Variants in KCNH7 observed in about 807,000 individuals in gnomAD.
KCNH7 encodes voltage-gated inwardly rectifying potassium channel KCNH7.
KCNH7 carries 49 observed loss-of-function variants against 120.8 expected under a neutral mutation model. The ratio of observed to expected loss-of-function variants is 0.41; its 90% CI spans 0.32 to 0.51. The LOEUF (loss-of-function observed/expected upper bound fraction) is 0.51. KCNH7 is among the 20% of genes least tolerant of loss of function. The pLI is 0.38. For missense variants in KCNH7, 1,097 were observed against 1,446.6 expected (o/e 0.76, Z 3.92); for synonymous variants, 547 against 516.1 (o/e 1.06, Z -0.81).
chr2:162,537,221 A>G, intron 2 of KCNH7, 141 bp from the exon 3 acceptor site: 1 of 652,744 alleles, frequency 1.5e-6, no homozygotes, highest in East Asian at 2.8e-5. Flanking sequence ...GATCTTTTTT[A>G]CTTCATATTT....
chr2:162,734,951 G>A (rs1687848143), intron 2 of KCNH7, among the ~76,000 whole-genome samples: 1 of 152,116 alleles, frequency 6.6e-6, no homozygotes, highest in Admixed American at 6.6e-5. Flanking sequence ...TTTGAATCCT[G>A]TTTCTTATTC....
chr2:162,456,927 C>T (rs976511329), intron 6 of KCNH7, among the ~76,000 whole-genome samples: 16 of 151,914 alleles, frequency 1.1e-4, no homozygotes, highest in Non-Finnish European at 1.8e-4. Flanking sequence ...TTAATTGTCT[C>T]CTTTTTTTCT....
chr2:162,669,186 T>C (rs918296693), intron 2 of KCNH7, among the ~76,000 whole-genome samples: 1 of 152,178 alleles, frequency 6.6e-6, no homozygotes, highest in African/African-American at 2.4e-5. Context: ...TTTTTGAAGA[T>C]ATTTTAGAGT....
chr2:162,618,801 A>C (rs1200081424), intron 2 of KCNH7, among the ~76,000 whole-genome samples: 1 of 152,198 alleles, frequency 6.6e-6, no homozygotes, highest in East Asian at 1.9e-4. Flanking sequence ...GTCCGACACA[A>C]TGAACTAATT....
intron 9 of KCNH7, 66 bp downstream of exon 9, chr2:162,423,270 T>C (rs757837595): frequency 6.2e-7 from 1 of 1,609,914 alleles, no homozygotes; most frequent in Admixed American, 1.7e-5. Context: ...ATTCCGGCTT[T>C]TATTCCATTT....
chr2:162,583,853 C>T (rs942620453), intron 2 of KCNH7, among the ~76,000 whole-genome samples: 1 of 152,060 alleles, frequency 6.6e-6, no homozygotes. Flanking sequence ...GCCACTGATG[C>T]AGATTATTTT....
intron 3 of KCNH7, among the ~76,000 whole-genome samples, chr2:162,520,661 C>T (rs1376420227): frequency 3.3e-5 from 5 of 151,726 alleles, no homozygotes; most frequent in East Asian, 2.0e-4. Context: ...CCGAGCCAGT[C>T]GGGAGGCTGC....
rs138831357 is a variant in KCNH7 at position 162,781,506 on chromosome 2, T to C, written c.307+55031A>G. ...GATAATCTAAGAGAATGAAAACAAA[T>C]ACACCTAGTGGAAGAGAATGAGGAA... is the stretch of plus-strand genomic sequence containing the variant. On this transcript the variant is annotated intron_variant, in intron 2 of 15. Coordinates refer to ENST00000332142, the MANE Select transcript of KCNH7 (RefSeq NM_033272.4). 2.1e-3 allele frequency among the ~76,000 whole-genome samples: 324 copies of C among 151,958 alleles called. 1 individual carries two copies. The highest frequency in any genetic ancestry group is 7.4e-3 in the African/African-American group (305 of 41,458).
intron 4 of KCNH7, among the ~76,000 whole-genome samples, chr2:162,515,374 T>C (rs1401793634): frequency 1.3e-5 from 2 of 151,856 alleles, no homozygotes; most frequent in Admixed American, 1.3e-4. Context: ...TTAAAAACAA[T>C]GAAGTTAAAT....
intron 2 of KCNH7, among the ~76,000 whole-genome samples, chr2:162,669,257 A>T (rs1212868892): frequency 1.3e-5 from 2 of 152,232 alleles, no homozygotes; most frequent in Non-Finnish European, 2.9e-5. Context: ...AATCCAATGT[A>T]GAGCAAATAA....
intron 3 of KCNH7, among the ~76,000 whole-genome samples, chr2:162,523,983 G>A (rs1026391731): frequency 6.6e-6 from 1 of 152,006 alleles, no homozygotes; most frequent in Non-Finnish European, 1.5e-5. Flanking sequence ...TGATGAAATA[G>A]GAGAGGATCT....
At chr2:162,441,063 T>C (rs749377200) in intron 7 of KCNH7, among the ~76,000 whole-genome samples, 4 of 151,302 alleles carry the variant, frequency 2.6e-5, no homozygotes, top group Non-Finnish European at 5.9e-5. Flanking sequence ...ATCTCATATC[T>C]CTTAAAAGTC....
chr2:162,553,428 T>A (rs1692748170), intron 2 of KCNH7, among the ~76,000 whole-genome samples: 1 of 152,212 alleles, frequency 6.6e-6, no homozygotes, highest in African/African-American at 2.4e-5. Flanking sequence ...GGCGGGCAGA[T>A]CACAAGGTCA....
At chr2:162,809,909 CTTTTTTTTT>C (rs748538332) in intron 2 of KCNH7, among the ~76,000 whole-genome samples, 1 of 51,220 alleles carries the variant, frequency 2.0e-5, no homozygotes, top group African/African-American at 6.4e-5. Flanking sequence ...CTCACCTATT[CTTTTTTTTT>C]TTTTTTTTTT....
intron 2 of KCNH7, among the ~76,000 whole-genome samples, chr2:162,808,861 G>A (rs1227617726): frequency 1.3e-5 from 2 of 152,134 alleles, no homozygotes; most frequent in Admixed American, 1.3e-4. Flanking sequence ...AGGGTTCCAG[G>A]TGCAAAACAG....
intron 2 of KCNH7, among the ~76,000 whole-genome samples, chr2:162,542,288 T>C (rs1692334864): frequency 1.3e-5 from 2 of 151,458 alleles, no homozygotes; most frequent in South Asian, 4.2e-4. Context: ...TTAGGGTACA[T>C]GTGCACAATG....
At chr2:162,800,476 A>G (rs2105541562) in intron 2 of KCNH7, among the ~76,000 whole-genome samples, 1 of 151,752 alleles carries the variant, frequency 6.6e-6, no homozygotes, top group South Asian at 2.1e-4. Context: ...ACCATCTCCA[A>G]CTTAAAAGCT....
At chr2:162,636,267 T>C (rs1224539263) in intron 2 of KCNH7, among the ~76,000 whole-genome samples, 2 of 152,112 alleles carry the variant, frequency 1.3e-5, no homozygotes, top group Non-Finnish European at 2.9e-5. Context: ...AATTATTATA[T>C]GTATCTAAAA....
intron 2 of KCNH7, among the ~76,000 whole-genome samples, chr2:162,652,762 G>T (rs1447329343): frequency 6.6e-6 from 1 of 152,096 alleles, no homozygotes; most frequent in Non-Finnish European, 1.5e-5. Flanking sequence ...GTGCACTTTA[G>T]ATACTTTATA....
Sources: gnomAD v4.1 joint callset for allele counts (sites outside exome capture counted in the v4.1 genomes callset) on GRCh38, gnomAD v4.1.1 for gene constraint, MANE v1.5 for transcripts, NCBI Gene and HGNC (gene_info 2026-07-23, HGNC 2026-07-21) for gene names.